OAS2: variants seen among roughly 807,000 people sequenced by gnomAD.
OAS2 encodes the protein 2'-5'-oligoadenylate synthetase 2.
Under a neutral mutation model 71.3 loss-of-function variants are expected in OAS2, and 67 were observed. The observed-to-expected ratio is 0.94, with a 90% CI of 0.77 to 1.15. OAS2 has a LOEUF of 1.15. Among genes scored for constraint, OAS2 ranks in the 50% most tolerant of loss-of-function variants. The probability of loss-of-function intolerance (pLI) is 0.00; values close to 1 mark genes in which losing one functional copy is unlikely to be tolerated. For missense variants in OAS2, 789 were observed against 822.5 expected (o/e 0.96, Z 0.50); for synonymous variants, 327 against 321.8 (o/e 1.02, Z -0.17).
chr12:113,006,746 T>A (rs1282619542), intron 8 of OAS2, 146 bp downstream of exon 8: 1 of 614,032 alleles, frequency 1.6e-6, no homozygotes, highest in African/African-American at 1.8e-5. Flanking sequence ...GACGTTCCCA[T>A]CACTAACCCT....
chr12:113,010,550 T>C lies in OAS2; in HGVS notation c.*1295T>C. On this transcript the variant is annotated 3_prime_UTR_variant, in exon 10 of 10. Transcript: ENST00000392583. ...GAGAAAGAGTCACTCACATCCATTC[T>C]TCCCTTGATGGTCCCTATTCCTCCT... is the stretch of plus-strand genomic sequence containing the variant. 1 of 1,582,558 alleles carries C rather than the reference T, an allele frequency of 6.3e-7. No individual in the cohort carries two copies. The highest frequency in any genetic ancestry group is 8.6e-7 in the Non-Finnish European group (1 of 1,169,056).
intron 1 of OAS2, among the ~76,000 whole-genome samples, chr12:112,983,262 G>T (rs935121118): frequency 1.3e-5 from 2 of 151,940 alleles, no homozygotes; most frequent in Admixed American, 1.3e-4. Flanking sequence ...TTTTGCTTTT[G>T]TTGCCCAAGC....
intron 3 of OAS2, 115 bp downstream of exon 3, chr12:112,995,589 C>A: frequency 2.0e-6 from 2 of 1,003,298 alleles, no homozygotes; most frequent in Non-Finnish European, 2.9e-6. Flanking sequence ...TTTTTACAAT[C>A]TTACCAGCAA....
In OAS2 at chr12:113,005,918, CAAAAAAAAAA is replaced by C. The variant is rs138299398; in HGVS notation, c.1469-471_1469-462del. ...AAAAAGCAAAAAACAACAACAACAA[CAAAAAAAAAA>C]AAAAAAAAAAAAAAAAAAAAAAACA... is the stretch of plus-strand genomic sequence containing the variant. On this transcript the variant is annotated intron_variant, in intron 7 of 9. Coordinates refer to ENST00000392583, the MANE Select transcript of OAS2 (RefSeq NM_002535.3). Among the ~76,000 whole-genome samples, 96 of 49,042 alleles carry C rather than the reference CAAAAAAAAAA, an allele frequency of 2.0e-3. 2 individuals are homozygous for C. The highest frequency in any genetic ancestry group is 8.2e-3 in the African/African-American group (71 of 8,656). The allele number at this position is 49,042 out of a possible 152,430, so 32.2% of individuals were successfully genotyped here.
chr12:113,009,235 G>A lies in OAS2; in HGVS notation c.2044G>A (p.Val682Met). The A allele has an allele frequency of 6.2e-7, 1 of 1,614,026 alleles. No homozygotes were observed. Among genetic ancestry groups the A allele is most frequent in the Non-Finnish European group, 8.5e-7 (1 of 1,179,940 alleles). The change falls in exon 10 of 10, where the codon GTG becomes ATG. Residue 682 changes from valine (V) to methionine (M), a missense_variant. Val to Met is a conservative substitution (Grantham distance 21, BLOSUM62 1). Transcript: ENST00000392583. ...GTGNPIPPWK[V>M]PVKVI ...TGGAAACCCAATACCACCTTGGAAA[G>A]TGCCGGTAAAAGTCATCTAAAGGAG...
At chr12:112,996,615 G>A (rs942024459) in intron 3 of OAS2, among the ~76,000 whole-genome samples, 11 of 151,980 alleles carry the variant, frequency 7.2e-5, no homozygotes, top group African/African-American at 2.7e-4. Flanking sequence ...GGGAGAATTG[G>A]GCAGCTCATG....
At chr12:112,987,350 G>A (rs1157730413) in intron 2 of OAS2, 42 bp downstream of exon 2, 14 of 1,610,492 alleles carry the variant, frequency 8.7e-6, no homozygotes, top group Non-Finnish European at 1.2e-5. Flanking sequence ...CCAAAGAAGC[G>A]GGTGCCAGAC....
At chr12:113,006,744 C>A in intron 8 of OAS2, 144 bp downstream of exon 8, 1 of 625,628 alleles carries the variant, frequency 1.6e-6, no homozygotes, top group East Asian at 2.7e-5. Context: ...ACGACGTTCC[C>A]ATCACTAACC....
intron 1 of OAS2, among the ~76,000 whole-genome samples, chr12:112,981,470 G>C (rs1201783486): frequency 1.3e-5 from 2 of 152,128 alleles, no homozygotes; most frequent in East Asian, 3.8e-4. Context: ...TTATTGAAGA[G>C]AGTATCCTTT....
intron 1 of OAS2, among the ~76,000 whole-genome samples, chr12:112,979,878 T>G (rs1445584337): frequency 6.6e-6 from 1 of 152,220 alleles, no homozygotes; most frequent in Non-Finnish European, 1.5e-5. Flanking sequence ...CTATCCCAGT[T>G]CATCCAAGAT....
Position 113,005,918 on chromosome 12 carries a change from C to CAA in OAS2, c.1469-463_1469-462dup, listed in dbSNP as rs138299398. On this transcript the variant is annotated intron_variant, in intron 7 of 9. Transcript: ENST00000392583. ...AAAAAGCAAAAAACAACAACAACAA[C>CAA]AAAAAAAAAAAAAAAAAAAAAAAAA... 9.8e-4 allele frequency among the ~76,000 whole-genome samples: 48 copies of CAA among 49,040 alleles called. 1 individual carries two copies. The highest frequency in any genetic ancestry group is 1.1e-3 in the Non-Finnish European group (32 of 28,966). The allele number at this position is 49,040 out of a possible 152,430, so 32.2% of individuals were successfully genotyped here.
At chr12:112,985,056 C>G (rs530531684) in intron 1 of OAS2, among the ~76,000 whole-genome samples, 2 of 152,080 alleles carry the variant, frequency 1.3e-5, no homozygotes, top group Non-Finnish European at 2.9e-5. Context: ...TGACTTTATA[C>G]TTTTGTCTTG....
At chr12:113,000,524 A>T (rs1352339385) in intron 5 of OAS2, among the ~76,000 whole-genome samples, 10 of 101,682 alleles carry the variant, frequency 9.8e-5, no homozygotes, top group Non-Finnish European at 2.0e-4. Context: ...AAACATGCAC[A>T]CACACACTCA....
At chr12:112,995,584 A>G (rs948628035) in intron 3 of OAS2, 110 bp downstream of exon 3, 10 of 1,058,496 alleles carry the variant, frequency 9.4e-6, no homozygotes, top group Middle Eastern at 2.7e-4. Context: ...CGCATTTTTT[A>G]CAATCTTACC....
chr12:112,993,398 C>T (rs16942412), intron 2 of OAS2, among the ~76,000 whole-genome samples: 3,425 of 152,264 alleles, frequency 0.022, 124 homozygotes, highest in African/African-American at 0.077. Flanking sequence ...TTTCACTGTA[C>T]ATAAAAGGCT....
chr12:112,982,677 G>T (rs944125780), intron 1 of OAS2, among the ~76,000 whole-genome samples: 1 of 152,144 alleles, frequency 6.6e-6, no homozygotes, highest in African/African-American at 2.4e-5. Flanking sequence ...TCAGGGTAAT[G>T]CTGACTTCAT....
At chr12:113,005,325 G>A in intron 7 of OAS2, 103 bp downstream of exon 7, 1 of 1,161,246 alleles carries the variant, frequency 8.6e-7, no homozygotes, top group Non-Finnish European at 1.2e-6. Flanking sequence ...CCACTCATGG[G>A]TCCCTGGCCC....
chr12:112,979,709 C>T (rs986275909), intron 1 of OAS2, among the ~76,000 whole-genome samples: 1 of 152,100 alleles, frequency 6.6e-6, no homozygotes, highest in African/African-American at 2.4e-5. Flanking sequence ...ACTGTGTAAC[C>T]CCCACCCAGA....
chr12:112,988,048 G>A (rs2136380178), intron 2 of OAS2: 1 of 985,280 alleles, frequency 1.0e-6, no homozygotes, highest in South Asian at 4.7e-5. Flanking sequence ...TTAATACTTG[G>A]GTCTGAAAAT....
Sources: allele counts gnomAD v4.1 joint callset (sites outside exome capture counted in the v4.1 genomes callset), GRCh38; gene constraint gnomAD v4.1.1; transcripts MANE v1.5; gene names NCBI Gene and HGNC (gene_info 2026-07-23, HGNC 2026-07-21).